The following AAK1 variants were observed in gnomAD, a reference collection of about 807,000 sequenced individuals.
AAK1 encodes AP2 associated kinase 1.
AAK1 carries 37 observed loss-of-function variants against 116.0 expected under a neutral mutation model. The observed-to-expected ratio is 0.32, with a 90% confidence interval of 0.25 to 0.42. The LOEUF (loss-of-function observed/expected upper bound fraction) is 0.42. Among genes scored for constraint, AAK1 ranks in the 10% least tolerant of loss-of-function variants. The pLI, the probability that AAK1 is intolerant of heterozygous loss-of-function variation, is 1.00. For missense variants in AAK1, 919 were observed against 1,170.6 expected, an observed-to-expected ratio of 0.79 and a Z score of 3.14; for synonymous variants, 458 against 439.9, an observed-to-expected ratio of 1.04 and a Z score of -0.51.
chr2:69,575,117 T>C (rs1197555114), intron 2 of AAK1, among the ~76,000 whole-genome samples: 1 of 152,128 alleles, frequency 6.6e-6, no homozygotes, highest in Non-Finnish European at 1.5e-5. Context: ...ATGATCTATG[T>C]TCTATAATGA....
intron 14 of AAK1, 72 bp from the exon 15 acceptor site, chr2:69,507,650 TTC>T (rs1676237944): frequency 2.2e-6 from 3 of 1,346,468 alleles, no homozygotes; most frequent in Admixed American, 2.8e-5. Flanking sequence ...TCAACTTATT[TTC>T]TCTGTTTCAG....
chr2:69,478,545 G>A (rs4852768), intron 20 of AAK1: 58,482 of 192,822 alleles, frequency 0.3, 10,364 homozygotes, highest in East Asian at 0.53. Flanking sequence ...TTTGCCCTCC[G>A]GGCCTCAAGC....
At chr2:69,631,470 T>G (rs1675171289) in intron 2 of AAK1, among the ~76,000 whole-genome samples, 2 of 152,206 alleles carry the variant, frequency 1.3e-5, no homozygotes, top group Non-Finnish European at 2.9e-5. Flanking sequence ...ATAATCTCTG[T>G]TTTTTGACAA....
chr2:69,527,367 C>T (rs1271571453), intron 8 of AAK1, 48 bp from the exon 9 acceptor site: 2 of 1,257,572 alleles, frequency 1.6e-6, no homozygotes, highest in African/African-American at 3.0e-5. Context: ...ACAGTTATTA[C>T]ACTAGCTAGG....
chr2:69,526,320 A>G (rs1670023639), intron 9 of AAK1, among the ~76,000 whole-genome samples: 1 of 152,210 alleles, frequency 6.6e-6, no homozygotes, highest in African/African-American at 2.4e-5. Context: ...CAAATGTGAG[A>G]GTGAAAGAGG....
chr2:69,467,515 A>G lies in AAK1; in HGVS notation c.*8354T>C. 1 of 985,420 alleles carries G rather than the reference A, an allele frequency of 1.0e-6. No individual in the cohort carries two copies. The highest frequency in any genetic ancestry group is 1.7e-5 in the African/African-American group (1 of 57,362). 61.0% of individuals were successfully genotyped at this position (985,420 alleles called of 1,614,324 possible). A position where few individuals can be genotyped will look rare whatever the true frequency, so the allele number is the denominator to read the frequency against. ...GTAACTAAGCAAGAAGAATCCAGAG[A>G]AAGGGTGGTTGGGGGTAAAGGTATC... On this transcript the variant is annotated 3_prime_UTR_variant, in exon 22 of 22. Transcript: ENST00000409085.
Position 69,473,189 on chromosome 2 carries a change from G to A in AAK1, c.*2680C>T. On this transcript the variant is annotated 3_prime_UTR_variant, in exon 22 of 22. Transcript: ENST00000409085. ...CAGTGGCTGGCAAGGGCCAGGATGA[G>A]ATCCCAGGTGGCCTGTCCTGCCCAG... 1 of 788,420 alleles carries A rather than the reference G, an allele frequency of 1.3e-6. No homozygotes were observed. The highest frequency in any genetic ancestry group is 5.8e-5 in the South Asian group (1 of 17,254). 48.8% of individuals were successfully genotyped at this position (788,420 alleles called of 1,614,324 possible).
At chr2:69,478,622 A>T (rs1248285846) in intron 20 of AAK1, 1 of 245,072 alleles carries the variant, frequency 4.1e-6, no homozygotes, top group Admixed American at 5.7e-5. Flanking sequence ...CTGGCTAATT[A>T]AAAAATTTTT....
intron 5 of AAK1, among the ~76,000 whole-genome samples, chr2:69,541,233 T>A (rs1325031424): frequency 2.0e-5 from 3 of 148,114 alleles, no homozygotes; most frequent in Non-Finnish European, 4.5e-5. Context: ...ACTTCTTTTT[T>A]TTTTTTTTTT....
intron 2 of AAK1, among the ~76,000 whole-genome samples, chr2:69,605,783 A>G (rs1437662607): frequency 6.6e-6 from 1 of 152,198 alleles, no homozygotes; most frequent in Non-Finnish European, 1.5e-5. Flanking sequence ...GCCTCTTTAT[A>G]GTCATCCTCC....
At chr2:69,615,197 G>C (rs1674270081) in intron 2 of AAK1, among the ~76,000 whole-genome samples, 4 of 152,136 alleles carry the variant, frequency 2.6e-5, no homozygotes, top group Admixed American at 2.6e-4. Context: ...CATTGGTGCT[G>C]TCCTTTCCAT....
chr2:69,520,358 CTTTT>C (rs71397334), intron 11 of AAK1, among the ~76,000 whole-genome samples: 2 of 127,420 alleles, frequency 1.6e-5, no homozygotes, highest in African/African-American at 6.1e-5. Flanking sequence ...CAATTCTTTT[CTTTT>C]TTTTTTTTTT....
intron 3 of AAK1, among the ~76,000 whole-genome samples, chr2:69,545,605 C>T (rs1354671195): frequency 6.6e-6 from 1 of 152,114 alleles, no homozygotes; most frequent in Admixed American, 6.6e-5. Context: ...CATAACAAAA[C>T]AAGAGAAAAC....
chr2:69,536,969 T>A (rs1309705613), intron 5 of AAK1, among the ~76,000 whole-genome samples: 2 of 152,356 alleles, frequency 1.3e-5, no homozygotes, highest in East Asian at 1.9e-4. Context: ...ATGTGCATGT[T>A]AAGCCTTAAC....
chr2:69,604,638 AG>A (rs1333730475), intron 2 of AAK1, among the ~76,000 whole-genome samples: 1 of 152,222 alleles, frequency 6.6e-6, no homozygotes, highest in East Asian at 1.9e-4. Context: ...AGGATGGAGA[AG>A]GAACAGAGGG....
chr2:69,636,201 T>TAA (rs143434099), intron 2 of AAK1, among the ~76,000 whole-genome samples: 4 of 150,434 alleles, frequency 2.7e-5, no homozygotes, highest in African/African-American at 9.8e-5. Context: ...AGATTTCTAC[T>TAA]AAAAAAAAAC....
chr2:69,542,661 G>A lies in AAK1; in HGVS notation c.396C>T (p.Gly132=). 1.2e-6 allele frequency: 2 copies of A among 1,613,654 alleles called. No individual in the cohort carries two copies. The highest frequency in any genetic ancestry group is 1.7e-6 in the Non-Finnish European group (2 of 1,179,820). The change falls in exon 5 of 22, where the codon GGC becomes GGT. Residue 132 remains glycine, a synonymous_variant. Transcript: ENST00000409085. ...VLILMDFCRG[G]QVVNLMNQRL... ...GCTGGTTCATCAGGTTTACCACCTG[G>A]CCACCTGAGGGGGTACGTACAGGGC...
chr2:69,636,068 T>C (rs1212443711), intron 2 of AAK1, among the ~76,000 whole-genome samples: 1 of 152,198 alleles, frequency 6.6e-6, no homozygotes, highest in African/African-American at 2.4e-5. Context: ...TGAGGGCTGA[T>C]GGGGTGACAT....
Position 69,605,794 on chromosome 2 carries a change from G to A in AAK1, c.163+37084C>T, listed in dbSNP as rs142269610. ...TGCTGCCTCTTTATAGTCATCCTCC[G>A]CTCCTACCTTCCCCCTGCCCCCACA... On this transcript the variant is annotated intron_variant, in intron 2 of 21. Coordinates refer to ENST00000409085, the MANE Select transcript of AAK1 (RefSeq NM_014911.5). Among the ~76,000 whole-genome samples, 10 of 152,094 alleles carry A rather than the reference G, an allele frequency of 6.6e-5. No homozygotes were observed. In the East Asian group the frequency reaches 7.7e-4, roughly 12 times the overall value.
Sources: gnomAD v4.1 joint callset for allele counts (sites outside exome capture counted in the v4.1 genomes callset) on GRCh38, gnomAD v4.1.1 for gene constraint, MANE v1.5 for transcripts, NCBI Gene and HGNC (gene_info 2026-07-23, HGNC 2026-07-21) for gene names.